Variants in PARD3B observed in about 807,000 individuals in gnomAD.
The protein encoded by PARD3B is partitioning defective 3 homolog B.
In PARD3B, 103 loss-of-function variants were observed where a neutral mutation model predicts 130.2. The ratio of observed to expected loss-of-function variants is 0.79; its 90% CI spans 0.67 to 0.93. The LOEUF (loss-of-function observed/expected upper bound fraction) is 0.93. Among genes scored for constraint, PARD3B ranks in the 40% least tolerant of loss-of-function variants. PARD3B has a pLI of 0.00. For missense variants in PARD3B, 1,609 were observed against 1,499.2 expected, an observed-to-expected ratio of 1.07 and a Z score of -1.21; for synonymous variants, 583 against 553.2, an observed-to-expected ratio of 1.05 and a Z score of -0.76.
chr2:205,511,307 GA>G (rs761086589), intron 21 of PARD3B, among the ~76,000 whole-genome samples: 7 of 152,088 alleles, frequency 4.6e-5, no homozygotes, highest in Non-Finnish European at 1.0e-4. Flanking sequence ...GCAAAGAGCA[GA>G]AAAAGGAAGT....
intron 2 of PARD3B, among the ~76,000 whole-genome samples, chr2:204,859,187 A>G (rs1223075314): frequency 6.6e-6 from 1 of 152,160 alleles, no homozygotes; most frequent in Non-Finnish European, 1.5e-5. Flanking sequence ...TGAGCAGAAT[A>G]TGCATAATGA....
intron 3 of PARD3B, among the ~76,000 whole-genome samples, chr2:204,984,102 C>T (rs1182207026): frequency 6.6e-6 from 1 of 151,856 alleles, no homozygotes; most frequent in Non-Finnish European, 1.5e-5. Context: ...TTCCCTGCAT[C>T]TATAAAACAT....
chr2:204,926,001 T>C (rs1687588473), intron 2 of PARD3B, among the ~76,000 whole-genome samples: 1 of 141,738 alleles, frequency 7.1e-6, no homozygotes, highest in African/African-American at 2.5e-5. Flanking sequence ...TCCCCAGCCA[T>C]GTGGAACTGT....
intron 3 of PARD3B, among the ~76,000 whole-genome samples, chr2:204,998,335 T>TACATATATATATATATATATATAC (rs1361578552): frequency 1.3e-4 from 8 of 62,236 alleles, no homozygotes; most frequent in Middle Eastern, 7.6e-3. Flanking sequence ...TATATATATA[T>TACATATATATATATATATATATAC]ATATATATAT....
At chr2:204,693,812 A>G (rs920016792) in intron 2 of PARD3B, among the ~76,000 whole-genome samples, 3 of 151,968 alleles carry the variant, frequency 2.0e-5, no homozygotes, top group African/African-American at 7.2e-5. Flanking sequence ...GTTGTCTGCT[A>G]TATCCTTGTC....
chr2:205,106,801 G>A (rs964165664), intron 5 of PARD3B, among the ~76,000 whole-genome samples: 2 of 152,166 alleles, frequency 1.3e-5, no homozygotes, highest in Non-Finnish European at 2.9e-5. Flanking sequence ...AAAAAGTAGA[G>A]TGAGTGCAAT....
chr2:204,995,672 G>T (rs200579187), intron 3 of PARD3B, among the ~76,000 whole-genome samples: 31,316 of 81,668 alleles, frequency 0.38, 6,246 homozygotes, highest in East Asian at 0.76. Context: ...ATCCTGCAGA[G>T]TGTTTTCCAA....
chr2:204,779,967 G>A (rs961969174), intron 2 of PARD3B, among the ~76,000 whole-genome samples: 6 of 152,168 alleles, frequency 3.9e-5, no homozygotes, highest in African/African-American at 1.4e-4. Flanking sequence ...CCCATTGAAT[G>A]AATTGGGTTG....
At chr2:205,088,771 A>G (rs974448673) in intron 4 of PARD3B, among the ~76,000 whole-genome samples, 5 of 149,950 alleles carry the variant, frequency 3.3e-5, no homozygotes, top group Non-Finnish European at 7.4e-5. Flanking sequence ...AATGCAAAGT[A>G]TATAGAATGG....
At chr2:205,282,146 A>G (rs2041214496) in intron 16 of PARD3B, among the ~76,000 whole-genome samples, 1 of 152,214 alleles carries the variant, frequency 6.6e-6, no homozygotes, top group South Asian at 2.1e-4. Context: ...ATAAAAGGAT[A>G]TTGAAAGAAT....
chr2:204,926,952 AT>A (rs907676333), intron 2 of PARD3B, among the ~76,000 whole-genome samples: 4 of 152,252 alleles, frequency 2.6e-5, no homozygotes, highest in African/African-American at 9.6e-5. Context: ...AACACAAATG[AT>A]TTTTATCACT....
intron 18 of PARD3B, among the ~76,000 whole-genome samples, chr2:205,317,377 A>C (rs915695752): frequency 2.0e-5 from 3 of 152,188 alleles, no homozygotes; most frequent in African/African-American, 7.2e-5. Flanking sequence ...ATAGAATGGG[A>C]TTGGTTAGCT....
chr2:204,835,002 A>G (rs2043976731), intron 2 of PARD3B, among the ~76,000 whole-genome samples: 1 of 152,210 alleles, frequency 6.6e-6, no homozygotes, highest in South Asian at 2.1e-4. Context: ...GACCTGGTAC[A>G]AGTCACTTAA....
intron 20 of PARD3B, among the ~76,000 whole-genome samples, chr2:205,467,690 A>G (rs2048678976): frequency 6.6e-6 from 1 of 152,218 alleles, no homozygotes; most frequent in Admixed American, 6.5e-5. Flanking sequence ...ATTGGCTGCC[A>G]TATTAGACAG....
At chr2:205,179,757 C>G (rs908395882) in intron 13 of PARD3B, among the ~76,000 whole-genome samples, 2 of 152,074 alleles carry the variant, frequency 1.3e-5, no homozygotes, top group African/African-American at 4.8e-5. Context: ...CATTGAGATA[C>G]TTAAGTAAAT....
In PARD3B at chr2:204,606,037, A is replaced by G. The variant is rs896168929; in HGVS notation, c.120+59918A>G. On this transcript the variant is annotated intron_variant, in intron 1 of 22. Transcript: ENST00000406610. The surrounding 1 kb of genome is among the most constrained non-coding windows in gnomAD (Gnocchi z 4.0). ...CTTCTCTCCCTCTCTCCATTGGGAC[A>G]TGATATTACCAAGAAGTGCTTTAGA... Among the ~76,000 whole-genome samples, 3 of 152,110 alleles carry G rather than the reference A, an allele frequency of 2.0e-5. No individual in the cohort carries two copies. Among genetic ancestry groups the G allele is most frequent in the Admixed American group, 6.6e-5 (1 of 15,260 alleles).
At chr2:205,188,586 A>T (rs1054916613) in intron 14 of PARD3B, among the ~76,000 whole-genome samples, 3 of 152,132 alleles carry the variant, frequency 2.0e-5, no homozygotes, top group Admixed American at 6.5e-5. Context: ...GAGATATTTT[A>T]AAAATGGAAG....
At chr2:205,457,050 T>C (rs1478231868) in intron 20 of PARD3B, among the ~76,000 whole-genome samples, 1 of 151,784 alleles carries the variant, frequency 6.6e-6, no homozygotes, top group African/African-American at 2.4e-5. Context: ...CTGGAAAGGA[T>C]TGTGTAGAAC....
At chr2:205,515,422 T>C (rs1366959752) in intron 21 of PARD3B, among the ~76,000 whole-genome samples, 1 of 152,214 alleles carries the variant, frequency 6.6e-6, no homozygotes, top group Non-Finnish European at 1.5e-5. Flanking sequence ...ATCACCATAC[T>C]GCTTTCCACA....
Sources: gnomAD v4.1 joint callset for allele counts (sites outside exome capture counted in the v4.1 genomes callset) on GRCh38, gnomAD v4.1.1 for gene constraint, Gnocchi (gnomAD v3.1) non-coding constraint, MANE v1.5 for transcripts, NCBI Gene and HGNC (gene_info 2026-07-23, HGNC 2026-07-21) for gene names.